AKAP6: variants seen among roughly 807,000 people sequenced by gnomAD.
AKAP6 encodes the protein A-kinase anchoring protein 6.
AKAP6 carries 58 observed loss-of-function variants against 188.5 expected under a neutral mutation model. The ratio of observed to expected loss-of-function variants is 0.31; its 90% confidence interval spans 0.25 to 0.38. The LOEUF is 0.38. Ranked by LOEUF, AKAP6 falls within the 10% of genes least tolerant of loss-of-function variation. The pLI is 1.00. For synonymous variants in AKAP6, 989 were observed against 998.6 expected, an observed-to-expected ratio of 0.99 and a Z score of 0.18; for missense variants, 2,710 against 2,740.0, an observed-to-expected ratio of 0.99 and a Z score of 0.24.
intron 11 of AKAP6, among the ~76,000 whole-genome samples, chr14:32,741,775 T>G (rs1594899685): frequency 6.6e-6 from 1 of 150,970 alleles, no homozygotes; most frequent in African/African-American, 2.4e-5. Flanking sequence ...AGTATTTTGT[T>G]GAGGGTTTTT....
chr14:32,511,921 TAGAG>T (rs1360086867), intron 2 of AKAP6, among the ~76,000 whole-genome samples: 1 of 152,224 alleles, frequency 6.6e-6, no homozygotes, highest in Non-Finnish European at 1.5e-5. Flanking sequence ...GTATAAATCA[TAGAG>T]AGATCATATA....
chr14:32,574,393 C>T (rs971159486), intron 4 of AKAP6, among the ~76,000 whole-genome samples: 3 of 152,094 alleles, frequency 2.0e-5, no homozygotes, highest in Non-Finnish European at 4.4e-5. Flanking sequence ...TCACCCAGGA[C>T]CAATGGGTTT....
At chr14:32,378,878 G>T (rs956231397) in intron 1 of AKAP6, among the ~76,000 whole-genome samples, 3 of 150,898 alleles carry the variant, frequency 2.0e-5, no homozygotes, top group African/African-American at 7.3e-5. Flanking sequence ...TTTCTTTAAG[G>T]ACAATTGAAG....
At chr14:32,757,518 G>T (rs1053651165) in intron 11 of AKAP6, among the ~76,000 whole-genome samples, 1 of 152,232 alleles carries the variant, frequency 6.6e-6, no homozygotes, top group Non-Finnish European at 1.5e-5. Flanking sequence ...GAAAGGCATT[G>T]TAAGTAATAG....
chr14:32,383,428 G>T (rs1888433984), intron 1 of AKAP6, among the ~76,000 whole-genome samples: 1 of 152,068 alleles, frequency 6.6e-6, no homozygotes, highest in Non-Finnish European at 1.5e-5. Flanking sequence ...TTTCTAGAAT[G>T]ACTGCAGTCT....
intron 2 of AKAP6, among the ~76,000 whole-genome samples, chr14:32,483,003 A>G (rs879445438): frequency 0.15 from 11,915 of 77,828 alleles, 1,517 homozygotes; most frequent in African/African-American, 0.33. Context: ...ATATATATAT[A>G]TATATATATG....
rs952176839 is a variant in AKAP6, at chr14:32,427,143, C to A, written c.-34-6317C>A. ...GCTCCCCTATTGACGTGCTGTTTCC[C>A]CCCTGGGGCACTTGCAGTCCTTCTC... On this transcript the variant is annotated intron_variant, in intron 1 of 13. Coordinates refer to ENST00000280979, the MANE Select transcript of AKAP6 (RefSeq NM_004274.5). 3.3e-5 allele frequency among the ~76,000 whole-genome samples: 5 copies of A among 152,186 alleles called. No homozygotes were observed. The East Asian group carries it at 5.8e-4, about 18-fold the overall frequency.
chr14:32,461,891 C>T (rs1891337729), intron 2 of AKAP6, among the ~76,000 whole-genome samples: 1 of 151,806 alleles, frequency 6.6e-6, no homozygotes, highest in South Asian at 2.1e-4. Flanking sequence ...ACATAAATGA[C>T]TTGATGGAGC....
intron 12 of AKAP6, among the ~76,000 whole-genome samples, chr14:32,774,529 A>G (rs76974727): frequency 0.11 from 17,002 of 152,192 alleles, 1,336 homozygotes; most frequent in Middle Eastern, 0.2. Context: ...GGATTTTCCA[A>G]ATTGAGTACA....
intron 1 of AKAP6, among the ~76,000 whole-genome samples, chr14:32,381,717 C>A (rs1327715463): frequency 6.6e-6 from 1 of 152,082 alleles, no homozygotes; most frequent in African/African-American, 2.4e-5. Flanking sequence ...CCTTTAGTTA[C>A]CCCTATTCCT....
At chr14:32,796,075 G>A (rs192945626) in intron 12 of AKAP6, among the ~76,000 whole-genome samples, 48 of 152,170 alleles carry the variant, frequency 3.2e-4, no homozygotes, top group African/African-American at 1.1e-3. Flanking sequence ...TAGCTAACAA[G>A]GGAAGTGAAA....
rs537994656 is a variant in AKAP6 at position 32,787,279 on chromosome 14, A to G, written c.3588+13386A>G. 6.6e-5 allele frequency among the ~76,000 whole-genome samples: 10 copies of G among 152,376 alleles called. No individual in the cohort carries two copies. The South Asian group carries it at 1.2e-3, about 19-fold the overall frequency. On this transcript the variant is annotated intron_variant, in intron 12 of 13. Coordinates refer to ENST00000280979, the MANE Select transcript of AKAP6 (RefSeq NM_004274.5). ...AATCTTATTATTTGGTGATGCATATATTAAGATAAATAGCATTCTTATCTT... is the reference window on the plus strand; with the variant it reads ...AATCTTATTATTTGGTGATGCATATGTTAAGATAAATAGCATTCTTATCTT...
At chr14:32,424,258 A>G (rs1889955585) in intron 1 of AKAP6, among the ~76,000 whole-genome samples, 1 of 152,112 alleles carries the variant, frequency 6.6e-6, no homozygotes, top group South Asian at 2.1e-4. Context: ...ACTCCATAAC[A>G]TGGCATTCTC....
At chr14:32,704,985 A>C (rs905089372) in intron 9 of AKAP6, among the ~76,000 whole-genome samples, 2 of 152,232 alleles carry the variant, frequency 1.3e-5, no homozygotes, top group Admixed American at 1.3e-4. Context: ...ATTTCAAAAG[A>C]AGTCCTGGTA....
intron 2 of AKAP6, among the ~76,000 whole-genome samples, chr14:32,511,627 T>G (rs1881267680): frequency 1.3e-5 from 2 of 152,174 alleles, no homozygotes; most frequent in African/African-American, 2.4e-5. Flanking sequence ...CCCACCCACC[T>G]CGGCCTCCCA....
At chr14:32,470,206 T>C (rs1309896940) in intron 2 of AKAP6, among the ~76,000 whole-genome samples, 1 of 152,152 alleles carries the variant, frequency 6.6e-6, no homozygotes, top group Non-Finnish European at 1.5e-5. Flanking sequence ...GACTGGACGC[T>C]TGGGCCACAC....
chr14:32,553,363 G>A (rs1481982908), intron 4 of AKAP6, among the ~76,000 whole-genome samples: 2 of 151,868 alleles, frequency 1.3e-5, no homozygotes, highest in South Asian at 2.1e-4. Flanking sequence ...TAGTAGAAAC[G>A]GGGTTTCATC....
intron 2 of AKAP6, among the ~76,000 whole-genome samples, chr14:32,437,689 C>A (rs1292058234): frequency 6.6e-6 from 1 of 152,062 alleles, no homozygotes; most frequent in Non-Finnish European, 1.5e-5. Flanking sequence ...CTTTGACCCT[C>A]AGGCTCAAGA....
At chr14:32,469,831 T>C (rs1347396647) in intron 2 of AKAP6, among the ~76,000 whole-genome samples, 3 of 152,174 alleles carry the variant, frequency 2.0e-5, no homozygotes, top group Non-Finnish European at 4.4e-5. Flanking sequence ...TGAAAGATTA[T>C]GCCTTCAGTT....
Sources: allele counts gnomAD v4.1 joint callset (sites outside exome capture counted in the v4.1 genomes callset), GRCh38; gene constraint gnomAD v4.1.1; transcripts MANE v1.5; gene names NCBI Gene and HGNC (gene_info 2026-07-23, HGNC 2026-07-21).